Variants in C10orf67 observed in about 807,000 individuals in gnomAD.
The protein encoded by C10orf67 is uncharacterized protein C10orf67, mitochondrial.
C10orf67 carries 60 observed loss-of-function variants against 35.6 expected under a neutral mutation model. That is an observed-to-expected ratio of 1.68 (90% confidence interval 1.37 to 2.09). The LOEUF is 2.09. Ranked by LOEUF, C10orf67 falls within the 30% of genes most tolerant of loss-of-function variation. C10orf67 has a pLI of 0.00. For synonymous variants in C10orf67, 167 were observed against 115.8 expected (o/e 1.44, Z -2.84); for missense variants, 474 against 330.2 (o/e 1.44, Z -3.38).
intron 1 of C10orf67, 92 bp from the exon 2 acceptor site, chr10:23,333,274 T>C (rs1845552463): frequency 8.6e-7 from 1 of 1,161,422 alleles, no homozygotes; most frequent in South Asian, 1.5e-5. Context: ...AATCATATCG[T>C]ATTTTAAGTA....
chr10:23,318,995 T>C (rs1588689921), intron 4 of C10orf67: 2 of 713,458 alleles, frequency 2.8e-6, no homozygotes, highest in African/African-American at 3.5e-5. Context: ...ATGAGAACCC[T>C]TTTTTTTCTT....
chr10:23,209,025 C>A (rs1841234630), intron 15 of C10orf67, among the ~76,000 whole-genome samples: 2 of 151,892 alleles, frequency 1.3e-5, no homozygotes, highest in African/African-American at 4.8e-5. Context: ...GAAGACCCAC[C>A]ACCTAGATGA....
chr10:23,221,723 A>T (rs1350515918), intron 15 of C10orf67, among the ~76,000 whole-genome samples: 1 of 152,240 alleles, frequency 6.6e-6, no homozygotes, highest in African/African-American at 2.4e-5. Flanking sequence ...TTCTAAAGAG[A>T]AGATTCATTT....
intron 2 of C10orf67, among the ~76,000 whole-genome samples, chr10:23,332,861 C>A (rs1003390695): frequency 1.1e-4 from 17 of 151,970 alleles, no homozygotes; most frequent in Non-Finnish European, 1.9e-4. Flanking sequence ...CTTTATTAAA[C>A]AAATTAACAT....
At chr10:23,263,311 T>C (rs1156874760) in intron 10 of C10orf67, among the ~76,000 whole-genome samples, 1 of 152,196 alleles carries the variant, frequency 6.6e-6, no homozygotes, top group Non-Finnish European at 1.5e-5. Context: ...AAATAGTAAA[T>C]TTCAGAAGAA....
At chr10:23,249,775 T>C (rs1296990347) in intron 12 of C10orf67, among the ~76,000 whole-genome samples, 2 of 152,202 alleles carry the variant, frequency 1.3e-5, no homozygotes, top group Non-Finnish European at 2.9e-5. Flanking sequence ...GCCTGGATGA[T>C]GCTTGACTGT....
intron 2 of C10orf67, among the ~76,000 whole-genome samples, chr10:23,323,892 TAA>T (rs1845058582): frequency 6.1e-5 from 4 of 65,610 alleles, no homozygotes; most frequent in African/African-American, 2.2e-4. Flanking sequence ...AGACTCCGTC[TAA>T]ATATATATAT....
chr10:23,255,838 G>T (rs1025126375), intron 10 of C10orf67, among the ~76,000 whole-genome samples: 1 of 152,152 alleles, frequency 6.6e-6, no homozygotes, highest in Non-Finnish European at 1.5e-5. Flanking sequence ...ATGGAATGAT[G>T]TTATCCACAT....
At chr10:23,246,609 C>T (rs1842322197) in intron 12 of C10orf67, among the ~76,000 whole-genome samples, 1 of 152,190 alleles carries the variant, frequency 6.6e-6, no homozygotes, top group Middle Eastern at 3.4e-3. Context: ...GATGTTTGGT[C>T]AAAGATGGAC....
chr10:23,291,386 CT>C, intron 5 of C10orf67, 107 bp from the exon 6 acceptor site: 3 of 603,294 alleles, frequency 5.0e-6, no homozygotes, highest in Non-Finnish European at 8.8e-6. Context: ...TTTCTGAATT[CT>C]ATTACACACT....
intron 15 of C10orf67, among the ~76,000 whole-genome samples, chr10:23,214,408 G>C (rs1413932649): frequency 6.6e-6 from 1 of 152,106 alleles, no homozygotes; most frequent in Non-Finnish European, 1.5e-5. Flanking sequence ...CTGTGTTAAA[G>C]AGACAATCAT....
intron 2 of C10orf67, among the ~76,000 whole-genome samples, chr10:23,323,952 T>TATATATATAC (rs1564513730): frequency 6.2e-5 from 4 of 64,690 alleles, no homozygotes; most frequent in Non-Finnish European, 6.7e-5. Context: ...TATATATATA[T>TATATATATAC]ACACACACAC....
At chr10:23,306,828 A>T (rs1844303017) in intron 4 of C10orf67, among the ~76,000 whole-genome samples, 1 of 152,188 alleles carries the variant, frequency 6.6e-6, no homozygotes, top group African/African-American at 2.4e-5. Flanking sequence ...TCAAATCATC[A>T]CATTGTATAC....
intron 15 of C10orf67, among the ~76,000 whole-genome samples, chr10:23,205,257 C>T (rs1324829644): frequency 6.6e-6 from 1 of 152,162 alleles, no homozygotes; most frequent in Non-Finnish European, 1.5e-5. Context: ...TCAAAGCTTT[C>T]TTTAAAGTAA....
chr10:23,281,233 T>A (rs1236113174), intron 8 of C10orf67, among the ~76,000 whole-genome samples: 2 of 152,088 alleles, frequency 1.3e-5, no homozygotes, highest in Non-Finnish European at 2.9e-5. Context: ...GTGCTGAGAG[T>A]AACAAAACAG....
At chr10:23,208,783 G>A (rs1448048767) in intron 15 of C10orf67, among the ~76,000 whole-genome samples, 1 of 152,100 alleles carries the variant, frequency 6.6e-6, no homozygotes, top group African/African-American at 2.4e-5. Flanking sequence ...ACTTGCTTTG[G>A]CTAATGGGAT....
intron 12 of C10orf67, among the ~76,000 whole-genome samples, chr10:23,240,691 A>G (rs1396417036): frequency 6.6e-6 from 1 of 152,242 alleles, no homozygotes; most frequent in African/African-American, 2.4e-5. Context: ...AGAAACAAAA[A>G]TGACAGCATT....
intron 12 of C10orf67, 42 bp downstream of exon 12, chr10:23,250,413 G>C (rs1588615881): frequency 2.5e-6 from 1 of 398,036 alleles, no homozygotes; most frequent in African/African-American, 2.1e-5. Flanking sequence ...AGGATGATTA[G>C]TCATGTTTTT....
At chr10:23,326,033 C>G (rs1588698365) in intron 2 of C10orf67, among the ~76,000 whole-genome samples, 1 of 151,936 alleles carries the variant, frequency 6.6e-6, no homozygotes, top group Non-Finnish European at 1.5e-5. Context: ...ACAAAATGGA[C>G]AGAGTTTAGG....
Sources: allele counts gnomAD v4.1 joint callset (sites outside exome capture counted in the v4.1 genomes callset), GRCh38; gene constraint gnomAD v4.1.1; transcripts MANE v1.5; gene names NCBI Gene and HGNC (gene_info 2026-07-23, HGNC 2026-07-21).